Variants in FOCAD observed in about 807,000 individuals in gnomAD.
FOCAD encodes the protein focadhesin, also known as KIAA1797.
FOCAD carries 198 observed loss-of-function variants against 225.6 expected under a neutral mutation model. That is an observed-to-expected ratio of 0.88 (90% CI 0.78 to 0.99). The LOEUF is 0.99. Among genes scored for constraint, FOCAD ranks in the 50% least tolerant of loss-of-function variants. The pLI is 0.00. For synonymous variants in FOCAD, 897 were observed against 755.0 expected (o/e 1.19, Z -3.08); for missense variants, 2,713 against 2,123.6 (o/e 1.28, Z -5.46).
At chr9:20,891,949 CTT>C (rs1481485800) in intron 21 of FOCAD, among the ~76,000 whole-genome samples, 1 of 152,168 alleles carries the variant, frequency 6.6e-6, no homozygotes, top group East Asian at 1.9e-4. Flanking sequence ...CAGCTGATGA[CTT>C]AAGTTGAAGC....
chr9:20,820,285 T>C, intron 12 of FOCAD, 39 bp from the exon 13 acceptor site: 1 of 1,491,828 alleles, frequency 6.7e-7, no homozygotes, highest in South Asian at 1.2e-5. Context: ...TTGTCTGCAT[T>C]CAAGTTTATG....
chr9:20,954,275 A>G (rs1837942781), intron 35 of FOCAD, among the ~76,000 whole-genome samples: 1 of 152,206 alleles, frequency 6.6e-6, no homozygotes, highest in Non-Finnish European at 1.5e-5. Flanking sequence ...TAAATATTAT[A>G]GTAGAGATGG....
intron 28 of FOCAD, among the ~76,000 whole-genome samples, chr9:20,934,138 A>G (rs557305998): frequency 6.6e-6 from 1 of 151,784 alleles, no homozygotes; most frequent in South Asian, 2.1e-4. Context: ...GATTGTGAAG[A>G]TTTTCGCCCA....
At chr9:20,657,007 T>C (rs1410941570), upstream of FOCAD, among the ~76,000 whole-genome samples, 3 of 152,244 alleles carry the variant, frequency 2.0e-5, no homozygotes, top group East Asian at 3.9e-4. Context: ...TGCTTGTCTG[T>C]AAAGTATTTT....
chr9:20,718,209 T>C (rs922151495), intron 3 of FOCAD, among the ~76,000 whole-genome samples: 1 of 152,192 alleles, frequency 6.6e-6, no homozygotes, highest in Non-Finnish European at 1.5e-5. Flanking sequence ...ATTTTGGTAA[T>C]GAAGAGAATG....
At chr9:20,795,784 G>GAAAAAAAA (rs1161085446) in intron 11 of FOCAD, among the ~76,000 whole-genome samples, 2 of 42,408 alleles carry the variant, frequency 4.7e-5, no homozygotes, top group Non-Finnish European at 7.8e-5. Context: ...ACTCTGTCTC[G>GAAAAAAAA]AAAAAAAAAA....
chr9:20,668,335 A>C (rs1318953534), intron 2 of FOCAD, among the ~76,000 whole-genome samples: 1 of 152,206 alleles, frequency 6.6e-6, no homozygotes, highest in Admixed American at 6.5e-5. Context: ...CATCCTCTTA[A>C]CCCATTCAGA....
chr9:20,839,730 A>C (rs1308561293), intron 15 of FOCAD, among the ~76,000 whole-genome samples: 2 of 152,074 alleles, frequency 1.3e-5, no homozygotes, highest in Admixed American at 1.3e-4. Flanking sequence ...CAGGCATACG[A>C]TGTCTAATAA....
intron 15 of FOCAD, among the ~76,000 whole-genome samples, chr9:20,849,356 C>T (rs1462102220): frequency 6.6e-6 from 1 of 151,582 alleles, no homozygotes; most frequent in Non-Finnish European, 1.5e-5. Flanking sequence ...CCAACAGTTA[C>T]TGTCTGCTTC....
chr9:20,787,016 G>A, intron 10 of FOCAD: 1 of 457,240 alleles, frequency 2.2e-6, no homozygotes, highest in Non-Finnish European at 4.4e-6. Flanking sequence ...TCCTTGCCCT[G>A]GGACTGTGCC....
chr9:20,991,696 C>T (rs1841683150), intron 42 of FOCAD, among the ~76,000 whole-genome samples: 1 of 151,756 alleles, frequency 6.6e-6, no homozygotes, highest in Non-Finnish European at 1.5e-5. Context: ...GCCTATAATC[C>T]CAGCTACTCA....
intron 10 of FOCAD, among the ~76,000 whole-genome samples, chr9:20,783,645 A>T (rs1819627823): frequency 6.7e-6 from 1 of 150,260 alleles, no homozygotes. Context: ...CAGCGGTGTG[A>T]TCTTGGCTAT....
chr9:20,777,705 A>G (rs1420184073), intron 8 of FOCAD, among the ~76,000 whole-genome samples: 1 of 152,238 alleles, frequency 6.6e-6, no homozygotes, highest in Non-Finnish European at 1.5e-5. Context: ...CAAGTTATAT[A>G]GATGAATCAT....
At chr9:20,760,089 C>T (rs903785424) in intron 6 of FOCAD, among the ~76,000 whole-genome samples, 1 of 152,196 alleles carries the variant, frequency 6.6e-6, no homozygotes, top group Non-Finnish European at 1.5e-5. Flanking sequence ...TAACTGGTGT[C>T]TCTGCCTCCA....
intron 2 of FOCAD, among the ~76,000 whole-genome samples, chr9:20,668,198 T>C (rs1032339484): frequency 2.6e-5 from 4 of 152,196 alleles, no homozygotes; most frequent in African/African-American, 9.7e-5. Flanking sequence ...TGTTTTCCTC[T>C]ATTTGAGAGT....
chr9:20,939,999 G>A (rs775576208), intron 28 of FOCAD, among the ~76,000 whole-genome samples: 1 of 150,066 alleles, frequency 6.7e-6, no homozygotes, highest in Non-Finnish European at 1.5e-5. Context: ...GAGAACATGC[G>A]TCCAAGTGTT....
chr9:20,928,488 A>C lies in FOCAD; in HGVS notation c.3079-870A>C, dbSNP rs531567948. ...AACACTGCCCTTATGGTGTGTCTGA[A>C]ACTTTAAATTGGATAATAGTGAGGA... On this transcript the variant is annotated intron_variant, in intron 26 of 43. Coordinates refer to ENST00000338382, the MANE Select transcript of FOCAD (RefSeq NM_001375567.1). Among the ~76,000 whole-genome samples, 3 of 152,298 alleles carry C rather than the reference A, an allele frequency of 2.0e-5. No homozygotes were observed. The East Asian group carries it at 5.8e-4, about 29-fold the overall frequency.
chr9:20,865,495 T>G (rs1227101832), intron 16 of FOCAD, among the ~76,000 whole-genome samples: 1 of 151,932 alleles, frequency 6.6e-6, no homozygotes, highest in Non-Finnish European at 1.5e-5. Context: ...GTCTTTGAAA[T>G]GAAAAAAACG....
At chr9:20,888,674 T>C (rs942040725) in intron 21 of FOCAD, among the ~76,000 whole-genome samples, 2 of 152,120 alleles carry the variant, frequency 1.3e-5, no homozygotes, top group Non-Finnish European at 2.9e-5. Flanking sequence ...GCCTACATGT[T>C]GCGGTAGGAA....
Sources: gnomAD v4.1 joint callset for allele counts (sites outside exome capture counted in the v4.1 genomes callset) on GRCh38, gnomAD v4.1.1 for gene constraint, MANE v1.5 for transcripts, NCBI Gene and HGNC (gene_info 2026-07-23, HGNC 2026-07-21) for gene names.